The following PHACTR1 variants were observed in gnomAD, a reference collection of about 807,000 sequenced individuals.
PHACTR1 encodes the protein phosphatase and actin regulator 1.
A neutral mutation model predicts 69.2 loss-of-function variants in PHACTR1; 16 were observed. That is an observed-to-expected ratio of 0.23 (90% CI 0.16 to 0.35). PHACTR1 has a LOEUF of 0.35. PHACTR1 is among the 10% of genes least tolerant of loss of function. PHACTR1 has a pLI of 1.00. For synonymous variants in PHACTR1, 312 were observed against 284.5 expected (o/e 1.10, Z -0.97); for missense variants, 510 against 734.7 (o/e 0.69, Z 3.54).
chr6:12,747,356 C>T (rs1765919092), intron 3 of PHACTR1, among the ~76,000 whole-genome samples: 2 of 151,894 alleles, frequency 1.3e-5, no homozygotes. Flanking sequence ...CCCTCTCTTC[C>T]TTTACTTTAT....
At chr6:13,013,492 G>T (rs1328652576) in intron 4 of PHACTR1, among the ~76,000 whole-genome samples, 1 of 152,238 alleles carries the variant, frequency 6.6e-6, no homozygotes, top group African/African-American at 2.4e-5. Flanking sequence ...AAGGGGGAGG[G>T]GGTTGGCGTT....
rs11963799 is a variant in PHACTR1, at chr6:13,016,497, T to C, written c.251-36868T>C. On this transcript the variant is annotated intron_variant, in intron 4 of 14. Transcript: ENST00000332995. ...ATTTCTTTGCATATGAAATAGTTATTTAAAGCATATTTTAATAACTTGCAG... is the reference window on the plus strand; with the variant it reads ...ATTTCTTTGCATATGAAATAGTTATCTAAAGCATATTTTAATAACTTGCAG... Among the ~76,000 whole-genome samples, 1,092 of 152,342 alleles carry C rather than the reference T, an allele frequency of 7.2e-3. 15 individuals carry two copies. Among genetic ancestry groups the C allele is most frequent in the African/African-American group, 0.025 (1,035 of 41,574 alleles).
intron 4 of PHACTR1, among the ~76,000 whole-genome samples, chr6:13,014,563 T>C (rs1218842865): frequency 6.6e-6 from 1 of 152,106 alleles, no homozygotes; most frequent in East Asian, 1.9e-4. Context: ...TGGGCTTCCT[T>C]CGGGTGGCAT....
At chr6:12,842,665 C>T (rs568964456) in intron 4 of PHACTR1, among the ~76,000 whole-genome samples, 9 of 152,058 alleles carry the variant, frequency 5.9e-5, no homozygotes, top group East Asian at 1.9e-4. Context: ...CCTCAGCCCC[C>T]TGAGTAGCTG....
At chr6:12,745,314 C>T (rs898248911) in intron 3 of PHACTR1, among the ~76,000 whole-genome samples, 5 of 152,080 alleles carry the variant, frequency 3.3e-5, no homozygotes, top group Non-Finnish European at 7.4e-5. Context: ...ATTTAAGAGT[C>T]TACAGTGTTA....
intron 4 of PHACTR1, among the ~76,000 whole-genome samples, chr6:12,832,407 G>A (rs1458559647): frequency 1.3e-5 from 2 of 151,914 alleles, no homozygotes; most frequent in African/African-American, 4.8e-5. Flanking sequence ...TTGTCACACA[G>A]TAGCATGAAA....
At chr6:13,282,020 AC>A (rs1161685137) in intron 12 of PHACTR1, among the ~76,000 whole-genome samples, 1 of 152,198 alleles carries the variant, frequency 6.6e-6, no homozygotes, top group African/African-American at 2.4e-5. Flanking sequence ...TCTATTTGAT[AC>A]CTGCCAGCCA....
intron 4 of PHACTR1, among the ~76,000 whole-genome samples, chr6:12,755,894 A>C (rs1767256932): frequency 6.6e-6 from 1 of 152,180 alleles, no homozygotes; most frequent in Admixed American, 6.5e-5. Context: ...GAATCCTACA[A>C]AACAAAATAT....
intron 5 of PHACTR1, among the ~76,000 whole-genome samples, chr6:13,130,023 A>G (rs751944795): frequency 6.6e-6 from 1 of 152,166 alleles, no homozygotes; most frequent in African/African-American, 2.4e-5. Flanking sequence ...ATACAAATAC[A>G]TGGAAATTAA....
In PHACTR1 at chr6:13,049,235, C is replaced by T. The variant is rs1474910308; in HGVS notation, c.251-4130C>T. Among the ~76,000 whole-genome samples the T allele has an allele frequency of 4.0e-5, 6 of 148,962 alleles. No individual in the cohort carries two copies. The South Asian group carries it at 8.3e-4, about 21-fold the overall frequency. Reference sequence around the variant, plus strand: ...AAGATGTGATTATGGAAAAGCGTTTCGGTTCTCATGGCACTTTTTTTTTTA... The same window carrying T: ...AAGATGTGATTATGGAAAAGCGTTTTGGTTCTCATGGCACTTTTTTTTTTA... On this transcript the variant is annotated intron_variant, in intron 4 of 14. Coordinates refer to ENST00000332995, the MANE Select transcript of PHACTR1 (RefSeq NM_030948.6).
At chr6:13,115,960 A>G (rs902054859) in intron 5 of PHACTR1, among the ~76,000 whole-genome samples, 1 of 152,158 alleles carries the variant, frequency 6.6e-6, no homozygotes, top group Non-Finnish European at 1.5e-5. Flanking sequence ...TGACTAGAGA[A>G]AGATGTCTTG....
At chr6:13,037,311 C>G (rs1213918820) in intron 4 of PHACTR1, among the ~76,000 whole-genome samples, 1 of 152,076 alleles carries the variant, frequency 6.6e-6, no homozygotes, top group Admixed American at 6.6e-5. Context: ...TACAGGCACC[C>G]CCCCAAACTC....
chr6:12,975,260 A>G (rs1269492101), intron 4 of PHACTR1, among the ~76,000 whole-genome samples: 2 of 152,218 alleles, frequency 1.3e-5, no homozygotes, highest in African/African-American at 2.4e-5. Flanking sequence ...TTAGCAGCAT[A>G]AACATGCTAT....
chr6:12,980,676 G>A (rs530289502), intron 4 of PHACTR1, among the ~76,000 whole-genome samples: 3 of 152,136 alleles, frequency 2.0e-5, no homozygotes, highest in Admixed American at 6.5e-5. Flanking sequence ...AAAAGTCTAC[G>A]AAAACTATTT....
At chr6:12,823,648 G>C (rs938515220) in intron 4 of PHACTR1, among the ~76,000 whole-genome samples, 4 of 152,160 alleles carry the variant, frequency 2.6e-5, no homozygotes, top group Admixed American at 6.5e-5. Flanking sequence ...GTTTTGTATT[G>C]AATTATGCTA....
intron 4 of PHACTR1, among the ~76,000 whole-genome samples, chr6:12,958,910 C>T (rs1169499095): frequency 6.6e-6 from 1 of 152,096 alleles, no homozygotes; most frequent in African/African-American, 2.4e-5. Flanking sequence ...GGCACGGTGG[C>T]TCACGCCTAT....
At chr6:12,766,564 G>A (rs1349833747) in intron 4 of PHACTR1, among the ~76,000 whole-genome samples, 1 of 152,126 alleles carries the variant, frequency 6.6e-6, no homozygotes, top group Non-Finnish European at 1.5e-5. Context: ...CGTCATATTG[G>A]TAGCTTGAAA....
At chr6:12,792,464 C>CAAAAAAAAAAAAAAAAAA (rs60942588) in intron 4 of PHACTR1, among the ~76,000 whole-genome samples, 4 of 31,362 alleles carry the variant, frequency 1.3e-4, no homozygotes, top group African/African-American at 3.1e-4. Context: ...AACTCCATGT[C>CAAAAAAAAAAAAAAAAAA]AAAAAAAAAA....
chr6:13,233,318 C>T (rs188717488), intron 10 of PHACTR1, among the ~76,000 whole-genome samples: 75 of 11,416 alleles, frequency 6.6e-3, no homozygotes, highest in African/African-American at 0.054. Context: ...CAGCCCTTTC[C>T]CAACTCTTCC....
Sources: gnomAD v4.1 joint callset for allele counts (sites outside exome capture counted in the v4.1 genomes callset) on GRCh38, gnomAD v4.1.1 for gene constraint, MANE v1.5 for transcripts, NCBI Gene and HGNC (gene_info 2026-07-23, HGNC 2026-07-21) for gene names.